The following PDE1A variants were observed in gnomAD, a reference collection of about 807,000 sequenced individuals.
The protein encoded by PDE1A is phosphodiesterase 1A.
In PDE1A, 35 loss-of-function variants were observed where a neutral mutation model predicts 61.7. The ratio of observed to expected loss-of-function variants is 0.57; its 90% CI spans 0.43 to 0.75. PDE1A has a LOEUF of 0.75. Among genes scored for constraint, PDE1A ranks in the 30% least tolerant of loss-of-function variants. PDE1A has a pLI of 0.00. For missense variants in PDE1A, 597 were observed against 630.6 expected (o/e 0.95, Z 0.57); for synonymous variants, 232 against 213.2 (o/e 1.09, Z -0.77).
chr2:182,573,634 C>T, the PDE1A span, among the ~76,000 whole-genome samples: 3 of 151,746 alleles, frequency 2.0e-5, no homozygotes, highest in African/African-American at 7.3e-5. Flanking sequence ...GAATATACGA[C>T]ATTAGCAAAT....
chr2:182,399,392 C>A (rs1055007811), intron 1 of PDE1A, among the ~76,000 whole-genome samples: 1 of 151,888 alleles, frequency 6.6e-6, no homozygotes, highest in African/African-American at 2.4e-5. Context: ...AATCCTGCCC[C>A]CTCTGCTTCT....
chr2:182,187,737 C>CTTTTTTTTTTTTT (rs1038970569), intron 11 of PDE1A, among the ~76,000 whole-genome samples: 21 of 66,376 alleles, frequency 3.2e-4, no homozygotes, highest in East Asian at 5.5e-4. Flanking sequence ...TTTTTTTGTT[C>CTTTTTTTTTTTTT]TTTTTTTTTT....
intron 1 of PDE1A, among the ~76,000 whole-genome samples, chr2:182,298,230 AC>A (rs1307765634): frequency 6.6e-6 from 1 of 152,156 alleles, no homozygotes; most frequent in Non-Finnish European, 1.5e-5. Flanking sequence ...TAATTATAGG[AC>A]CTATGAAATT....
At chr2:182,623,025 A>T in the PDE1A span, among the ~76,000 whole-genome samples, 1 of 152,214 alleles carries the variant, frequency 6.6e-6, no homozygotes, top group Non-Finnish European at 1.5e-5. Context: ...CATTATTATT[A>T]TTGAAATGCA....
chr2:182,648,166 C>T, the PDE1A span, among the ~76,000 whole-genome samples: 4 of 152,154 alleles, frequency 2.6e-5, no homozygotes, highest in Non-Finnish European at 4.4e-5. Context: ...ACAAGTGCCT[C>T]ACGTGTTCCT....
chr2:182,154,291 TAAAAAC>T, intron 13 of PDE1A, among the ~76,000 whole-genome samples: 1 of 152,208 alleles, frequency 6.6e-6, no homozygotes, highest in Non-Finnish European at 1.5e-5. Flanking sequence ...GATAATCATG[TAAAAAC>T]AAAAACAAAA....
At chr2:182,651,748 T>C in the PDE1A span, among the ~76,000 whole-genome samples, 1 of 152,194 alleles carries the variant, frequency 6.6e-6, no homozygotes, top group South Asian at 2.1e-4. Flanking sequence ...ATAAACGCTT[T>C]TACACATAGG....
the PDE1A span, among the ~76,000 whole-genome samples, chr2:182,532,655 A>C: frequency 6.6e-6 from 1 of 152,204 alleles, no homozygotes; most frequent in Non-Finnish European, 1.5e-5. Flanking sequence ...TTTGAATTAT[A>C]TACTTAAAAA....
chr2:182,505,893 A>C (rs56104183), intron 2 of PDE1A, among the ~76,000 whole-genome samples: 8,133 of 152,238 alleles, frequency 0.053, 256 homozygotes, highest in Middle Eastern at 0.099. Context: ...ATAAATAAAT[A>C]ATATCTTTGG....
the PDE1A span, among the ~76,000 whole-genome samples, chr2:182,553,882 G>A: frequency 7.9e-5 from 12 of 152,176 alleles, no homozygotes; most frequent in South Asian, 4.1e-4. Flanking sequence ...AAGAATCCCC[G>A]TATGTCTGGA....
intron 2 of PDE1A, among the ~76,000 whole-genome samples, chr2:182,458,014 C>T (rs1161317786): frequency 2.0e-5 from 3 of 151,966 alleles, no homozygotes; most frequent in Non-Finnish European, 4.4e-5. Context: ...AAGGGAAACA[C>T]TCCTCTATAA....
intron 1 of PDE1A, among the ~76,000 whole-genome samples, chr2:182,303,729 A>G (rs1204153283): frequency 6.6e-6 from 1 of 152,242 alleles, no homozygotes; most frequent in Non-Finnish European, 1.5e-5. Context: ...ACTAGATGGC[A>G]TCTTTTCCAT....
intron 2 of PDE1A, among the ~76,000 whole-genome samples, chr2:182,462,074 A>C (rs1178749404): frequency 6.6e-6 from 1 of 151,810 alleles, no homozygotes; most frequent in African/African-American, 2.4e-5. Flanking sequence ...AGAATAAAAA[A>C]CCAAACACCT....
chr2:182,401,542 A>C (rs920172750), intron 1 of PDE1A, among the ~76,000 whole-genome samples: 1 of 152,236 alleles, frequency 6.6e-6, no homozygotes, highest in Non-Finnish European at 1.5e-5. Context: ...AGAGCTATTT[A>C]TGAAAAACAC....
intron 2 of PDE1A, among the ~76,000 whole-genome samples, chr2:182,508,715 C>A (rs138393958): frequency 2.7e-3 from 404 of 149,640 alleles, no homozygotes; most frequent in African/African-American, 9.4e-3. Context: ...GTATCAAAGC[C>A]ATTTGTAAAT....
At chr2:182,681,539 G>C in the PDE1A span, among the ~76,000 whole-genome samples, 19 of 147,144 alleles carry the variant, frequency 1.3e-4, no homozygotes, top group South Asian at 2.1e-3. Flanking sequence ...GAACACTACA[G>C]TGATGTTTAA....
intron 2 of PDE1A, among the ~76,000 whole-genome samples, chr2:182,511,585 G>T (rs1689794775): frequency 6.6e-6 from 1 of 152,186 alleles, no homozygotes; most frequent in African/African-American, 2.4e-5. Context: ...TGTGGGAACA[G>T]CTATAGTGGA....
At chr2:182,251,462 T>TCA (rs1170128770) in intron 2 of PDE1A, among the ~76,000 whole-genome samples, 4 of 152,204 alleles carry the variant, frequency 2.6e-5, no homozygotes, top group Admixed American at 1.3e-4. Context: ...CAAATTGTTG[T>TCA]CACTAGACCA....
At chr2:182,487,539 A>G (rs917357894) in intron 2 of PDE1A, among the ~76,000 whole-genome samples, 7 of 152,214 alleles carry the variant, frequency 4.6e-5, no homozygotes, top group Non-Finnish European at 7.3e-5. Flanking sequence ...TATGACATCT[A>G]TAAAATTGAA....
Sources: gnomAD v4.1 joint callset for allele counts (sites outside exome capture counted in the v4.1 genomes callset) on GRCh38, gnomAD v4.1.1 for gene constraint, MANE v1.5 for transcripts, NCBI Gene and HGNC (gene_info 2026-07-23, HGNC 2026-07-21) for gene names.